DPP6: variants seen among roughly 807,000 people sequenced by gnomAD.
DPP6 encodes the protein A-type potassium channel modulatory protein DPP6.
A neutral mutation model predicts 122.6 loss-of-function variants in DPP6; 69 were observed. That is an observed-to-expected ratio of 0.56 (90% CI 0.46 to 0.69). The LOEUF (loss-of-function observed/expected upper bound fraction) is 0.69, where lower values mean the gene tolerates loss of function less well. Among genes scored for constraint, DPP6 ranks in the 30% least tolerant of loss-of-function variants. The pLI, the probability that DPP6 is intolerant of heterozygous loss-of-function variation, is 0.00. For synonymous variants in DPP6, 418 were observed against 433.1 expected (o/e 0.97, Z 0.43); for missense variants, 928 against 1,116.9 (o/e 0.83, Z 2.41).
At chr7:154,358,867 G>C (rs1470315264) in intron 1 of DPP6, among the ~76,000 whole-genome samples, 1 of 152,008 alleles carries the variant, frequency 6.6e-6, no homozygotes, top group Admixed American at 6.6e-5. Flanking sequence ...CACCATGCCC[G>C]GCTAATTTTT....
chr7:153,989,380 A>C (rs1487248030), intron 1 of DPP6, among the ~76,000 whole-genome samples: 2 of 150,360 alleles, frequency 1.3e-5, no homozygotes, highest in Non-Finnish European at 3.0e-5. Flanking sequence ...GGGAGGAGTG[A>C]GAGTTGTGTG....
intron 1 of DPP6, among the ~76,000 whole-genome samples, chr7:154,271,270 A>G (rs776989108): frequency 7.9e-5 from 12 of 152,232 alleles, no homozygotes; most frequent in Non-Finnish European, 1.3e-4. Flanking sequence ...GACAGGTACC[A>G]GAGGTGTCTC....
At chr7:154,429,029 G>T (rs1172449902) in intron 1 of DPP6, among the ~76,000 whole-genome samples, 1 of 152,030 alleles carries the variant, frequency 6.6e-6, no homozygotes, top group East Asian at 1.9e-4. Flanking sequence ...AAAATAAAGA[G>T]AATATATAGC....
At position 154,333,699 on chromosome 7, in the gene DPP6, G is replaced by A. The variant is rs115774626; in HGVS notation, c.244-112515G>A. On this transcript the variant is annotated intron_variant, in intron 1 of 25. Transcript: ENST00000377770. ...CTGTTTTGAATCATTGTGAAAACTG[G>A]AATCAGAAAAACAATCTCCTCATTC... 5.2e-3 allele frequency among the ~76,000 whole-genome samples: 793 copies of A among 152,300 alleles called. 2 individuals carry two copies. Among genetic ancestry groups the A allele is most frequent in the African/African-American group, 0.018 (751 of 41,576 alleles).
chr7:154,561,027 G>T (rs962907473), intron 4 of DPP6, among the ~76,000 whole-genome samples: 1 of 152,086 alleles, frequency 6.6e-6, no homozygotes, highest in African/African-American at 2.4e-5. Flanking sequence ...ATTTCATAAT[G>T]ATAAAGGAGT....
intron 1 of DPP6, among the ~76,000 whole-genome samples, chr7:153,904,842 G>T (rs1209703733): frequency 6.6e-6 from 1 of 152,230 alleles, no homozygotes; most frequent in Admixed American, 6.5e-5. Context: ...AAAATCAACT[G>T]ATGAAAGACA....
intron 8 of DPP6, among the ~76,000 whole-genome samples, chr7:154,751,499 A>G (rs1843382796): frequency 6.7e-6 from 1 of 149,124 alleles, no homozygotes; most frequent in African/African-American, 2.5e-5. Flanking sequence ...TGTCCCCACT[A>G]CTCTAGAGGC....
chr7:154,040,858 G>C (rs1359231383), intron 1 of DPP6, among the ~76,000 whole-genome samples: 8 of 149,228 alleles, frequency 5.4e-5, no homozygotes, highest in African/African-American at 2.0e-4. Flanking sequence ...TCCTGCCCCG[G>C]GAAGAGGATT....
At chr7:153,910,383 A>G (rs1800033517) in intron 1 of DPP6, among the ~76,000 whole-genome samples, 1 of 151,780 alleles carries the variant, frequency 6.6e-6, no homozygotes, top group Admixed American at 6.6e-5. Context: ...GCACGAGCCC[A>G]CACCCAGATA....
In DPP6 at chr7:154,821,628, G is replaced by GTATATATA. The variant is rs71184038; in HGVS notation, c.1666+14527_1666+14534dup. On this transcript the variant is annotated intron_variant, in intron 16 of 25. Coordinates refer to ENST00000377770, the MANE Select transcript of DPP6 (RefSeq NM_130797.4). This position sits in a 1 kb window ranked among gnomAD's most constrained non-coding sequence, Gnocchi z 4.2. ...ATATATATATATATATTTTTTTTCTGTATATATATATATATATACACATAT... is the reference window on the plus strand; with the variant it reads ...ATATATATATATATATTTTTTTTCTGTATATATATATATATATATATATATACACATAT... Among the ~76,000 whole-genome samples, 28 of 68,372 alleles carry GTATATATA rather than the reference G, an allele frequency of 4.1e-4. No individual in the cohort carries two copies. Among genetic ancestry groups the GTATATATA allele is most frequent in the African/African-American group, 1.5e-3 (27 of 18,476 alleles). The allele number at this position is 68,372 out of a possible 152,430, so 44.9% of individuals were successfully genotyped here. A position where few individuals can be genotyped will look rare whatever the true frequency, so the allele number is the denominator to read the frequency against.
intron 16 of DPP6, among the ~76,000 whole-genome samples, chr7:154,835,314 GC>G (rs1218392200): frequency 1.3e-5 from 2 of 152,142 alleles, no homozygotes; most frequent in Non-Finnish European, 2.9e-5. Context: ...CGGACTGATG[GC>G]CCCCACCAGA....
intron 1 of DPP6, among the ~76,000 whole-genome samples, chr7:154,139,690 C>T (rs989468072): frequency 7.3e-5 from 11 of 151,606 alleles, no homozygotes; most frequent in Non-Finnish European, 1.0e-4. Context: ...CTAAGAAGTC[C>T]GGTGAAATGC....
intron 16 of DPP6, among the ~76,000 whole-genome samples, chr7:154,841,537 C>G (rs1563271758): frequency 6.6e-6 from 1 of 152,160 alleles, no homozygotes; most frequent in Non-Finnish European, 1.5e-5. Context: ...TACAAATCAA[C>G]TACCCAAAGG....
At chr7:153,873,493 A>T in the DPP6 span, among the ~76,000 whole-genome samples, 2 of 152,364 alleles carry the variant, frequency 1.3e-5, no homozygotes, top group South Asian at 2.1e-4. Flanking sequence ...CTAGTTGCGG[A>T]GATTTAAAAA....
At chr7:154,161,122 T>G (rs1796959924) in intron 1 of DPP6, among the ~76,000 whole-genome samples, 1 of 152,208 alleles carries the variant, frequency 6.6e-6, no homozygotes, top group South Asian at 2.1e-4. Flanking sequence ...TATCCAAAAA[T>G]GTAGAGGTCA....
chr7:154,188,020 A>G (rs959653953), intron 1 of DPP6, among the ~76,000 whole-genome samples: 2 of 151,850 alleles, frequency 1.3e-5, no homozygotes, highest in African/African-American at 4.8e-5. Flanking sequence ...AACATTCCGT[A>G]CCTGAAGATG....
chr7:153,801,822 T>A, the DPP6 span, among the ~76,000 whole-genome samples: 1 of 152,260 alleles, frequency 6.6e-6, no homozygotes, highest in African/African-American at 2.4e-5. Context: ...GTTCTCAGAC[T>A]GGCCATGGTT....
intron 7 of DPP6, among the ~76,000 whole-genome samples, chr7:154,683,229 C>T (rs186583505): frequency 1.3e-5 from 2 of 152,136 alleles, no homozygotes; most frequent in East Asian, 1.9e-4. Flanking sequence ...CTGAGTGTGC[C>T]GTCTGACCTC....
chr7:154,777,060 A>G (rs1384991923), intron 10 of DPP6, among the ~76,000 whole-genome samples: 1 of 152,244 alleles, frequency 6.6e-6, no homozygotes, highest in Non-Finnish European at 1.5e-5. Flanking sequence ...GATGGTTCTC[A>G]GATGCAGGGA....
Sources: gnomAD v4.1 joint callset for allele counts (sites outside exome capture counted in the v4.1 genomes callset) on GRCh38, gnomAD v4.1.1 for gene constraint, Gnocchi (gnomAD v3.1) non-coding constraint, MANE v1.5 for transcripts, NCBI Gene and HGNC (gene_info 2026-07-23, HGNC 2026-07-21) for gene names.